IFT52: variants seen among roughly 807,000 people sequenced by gnomAD.
IFT52 encodes the protein intraflagellar transport 52.
IFT52 carries 44 observed loss-of-function variants against 54.4 expected under a neutral mutation model. The ratio of observed to expected loss-of-function variants is 0.81; its 90% confidence interval spans 0.63 to 1.04. IFT52 has a LOEUF of 1.04. Among genes scored for constraint, IFT52 ranks in the 50% least tolerant of loss-of-function variants. The probability of loss-of-function intolerance (pLI) is 0.00; values close to 1 mark genes in which losing one functional copy is unlikely to be tolerated. For missense variants in IFT52, 452 were observed against 523.6 expected, an observed-to-expected ratio of 0.86 and a Z score of 1.33; for synonymous variants, 181 against 185.3, an observed-to-expected ratio of 0.98 and a Z score of 0.19.
rs6017124 is a variant in IFT52, at chr20:43,613,778, C to T, written c.486-72C>T. The T allele has an allele frequency of 1.4e-4, 202 of 1,435,454 alleles. No individual in the cohort carries two copies. The African/African-American group carries it at 2.5e-3, about 18-fold the overall frequency. 88.9% of individuals were successfully genotyped at this position (1,435,454 alleles called of 1,614,324 possible). ...TCAAAAAAGAGTGTTACTCAAGAAACATTGAGATTATTTTCAGAATTTTTG... is the reference window on the plus strand; with the variant it reads ...TCAAAAAAGAGTGTTACTCAAGAAATATTGAGATTATTTTCAGAATTTTTG... On this transcript the variant is annotated intron_variant, in intron 6 of 13. Transcript: ENST00000373030.
chr20:43,613,497 C>A (rs943323850), intron 6 of IFT52, among the ~76,000 whole-genome samples: 2 of 152,172 alleles, frequency 1.3e-5, no homozygotes, highest in Non-Finnish European at 2.9e-5. Flanking sequence ...AAGAGTGTTA[C>A]TCAGCTGAGC....
chr20:43,635,189 A>G (rs866071592), intron 10 of IFT52, among the ~76,000 whole-genome samples: 27 of 8,708 alleles, frequency 3.1e-3, no homozygotes, highest in East Asian at 0.013. Context: ...GAGAGAGAGA[A>G]AAAAAAAAAA....
In IFT52 at chr20:43,620,853, T is replaced by C. The variant is rs1332041686; in HGVS notation, c.700-4T>C. 3.7e-6 allele frequency: 6 copies of C among 1,607,154 alleles called. No individual in the cohort carries two copies. Among genetic ancestry groups the C allele is most frequent in the Non-Finnish European group, 5.1e-6 (6 of 1,175,200 alleles). On this transcript the variant is annotated splice_polypyrimidine_tract_variant and splice_region_variant and intron_variant, in intron 8 of 13. Transcript: ENST00000373030. ...CTAATTATATACTTTTTTTTTTAAT[T>C]TAGGATGTTGTTTTCCAGTGGCTCA...
At chr20:43,604,962 A>G in intron 5 of IFT52, 40 bp from the exon 6 acceptor site, 1 of 1,601,100 alleles carries the variant, frequency 6.2e-7, no homozygotes. Context: ...AAATTCTCAA[A>G]TTTTTTTTGT....
chr20:43,603,795 A>T lies in IFT52; in HGVS notation c.243A>T (p.Gly81=). The T allele has an allele frequency of 6.2e-7, 1 of 1,611,522 alleles. No individual in the cohort carries two copies. The highest frequency in any genetic ancestry group is 8.5e-7 in the Non-Finnish European group (1 of 1,178,524). ...EILKKYLDTG[G]DVFVMLGEGG... is the part of the protein sequence containing the mutation. ...TGAAGAAATATCTTGACACTGGTGG[A>T]GATGTCTTTGTGATGCTAGGAGAAG... The change falls in exon 4 of 14, where the codon GGA becomes GGT. Residue 81 remains glycine, a synonymous_variant. Transcript: ENST00000373030.
chr20:43,591,678 A>C (rs1206716664), intron 1 of IFT52, among the ~76,000 whole-genome samples: 1 of 152,210 alleles, frequency 6.6e-6, no homozygotes, highest in Non-Finnish European at 1.5e-5. Flanking sequence ...TTCTAAAATT[A>C]ATGCTAATAA....
chr20:43,636,001 C>G lies in IFT52; in HGVS notation c.999C>G (p.Thr333=), dbSNP rs754918880. 8.1e-6 allele frequency: 13 copies of G among 1,614,054 alleles called. No individual in the cohort carries two copies. Among genetic ancestry groups the G allele is most frequent in the Admixed American group, 1.7e-5 (1 of 59,992 alleles). The change falls in exon 11 of 14, where the codon ACC becomes ACG. Residue 333 remains threonine, a synonymous_variant. Transcript: ENST00000373030. ...CTCAGTTTGAGACGCCGCTGCCAAC[C>G]CTTCAGCCTGCGGTGAGTAGGTGTG... The part of the protein sequence containing the change: ...IQPQFETPLP[T]LQPAVFPPSF...
At chr20:43,602,875 T>C (rs186366776) in intron 3 of IFT52, among the ~76,000 whole-genome samples, 2 of 152,242 alleles carry the variant, frequency 1.3e-5, no homozygotes, top group Admixed American at 1.3e-4. Context: ...GTCTGGGCAG[T>C]AGTTTCCAAA....
chr20:43,603,628 T>A (rs1223795321), intron 3 of IFT52, 132 bp from the exon 4 acceptor site: 3 of 767,472 alleles, frequency 3.9e-6, no homozygotes, highest in Non-Finnish European at 6.2e-6. Flanking sequence ...ACTTTTTATC[T>A]TATATACATT....
intron 10 of IFT52, among the ~76,000 whole-genome samples, chr20:43,632,043 A>G (rs1158802483): frequency 6.6e-6 from 1 of 150,830 alleles, no homozygotes; most frequent in African/African-American, 2.4e-5. Flanking sequence ...CTCCTGCCTC[A>G]GCCTCCCGAG....
intron 10 of IFT52, among the ~76,000 whole-genome samples, chr20:43,633,415 A>C (rs1311396863): frequency 6.6e-6 from 1 of 152,056 alleles, no homozygotes; most frequent in East Asian, 1.9e-4. Flanking sequence ...ACTATGATTA[A>C]GACAGAATTT....
Position 43,603,899 on chromosome 20 carries a change from AT to A in IFT52, c.337+12del. On this transcript the variant is annotated intron_variant, in intron 4 of 13. Transcript: ENST00000373030. ...ATCATGGTTAATAATGGTAATTAGT[AT>A]TATTATTTTCAGTAGAGGCAGTACT... 7.1e-7 allele frequency: 1 copy of A among 1,417,298 alleles called. No individual in the cohort carries two copies. The highest frequency in any genetic ancestry group is 9.9e-7 in the Non-Finnish European group (1 of 1,010,160). 87.8% of individuals were successfully genotyped at this position (1,417,298 alleles called of 1,614,324 possible). A position where few individuals can be genotyped will look rare whatever the true frequency, so the allele number is the denominator to read the frequency against.
intron 12 of IFT52, among the ~76,000 whole-genome samples, chr20:43,637,686 A>G (rs1025541924): frequency 6.6e-6 from 1 of 152,200 alleles, no homozygotes; most frequent in Non-Finnish European, 1.5e-5. Context: ...GAATAGGAGT[A>G]TAAACTTACC....
Position 43,613,850 on chromosome 20 carries a change from G to A in IFT52, c.486G>A (p.Gln162=). The part of the protein sequence containing the change: ...IDEESSGNNA[Q]ALTFVYPFGA... ...AATGTGTTTCTTTAATTTCTTACAG[G>A]GCTCTCACCTTTGTGTATCCTTTTG... The change falls in exon 7 of 14, where the codon CAG becomes CAA. Residue 162 remains glutamine, a splice_region_variant and synonymous_variant. Coordinates refer to ENST00000373030, the MANE Select transcript of IFT52 (RefSeq NM_016004.5). 3 of 1,610,768 alleles carry A rather than the reference G, an allele frequency of 1.9e-6. No homozygotes were observed. The highest frequency in any genetic ancestry group is 2.2e-5 in the South Asian group (2 of 90,496).
Position 43,635,990 on chromosome 20 carries a change from C to T in IFT52, c.988C>T (p.Pro330Ser). The T allele has an allele frequency of 6.2e-7, 1 of 1,614,180 alleles. No individual in the cohort carries two copies. The highest frequency in any genetic ancestry group is 8.5e-7 in the Non-Finnish European group (1 of 1,180,024). ...LQLIQPQFET[P>S]LPTLQPAVFP... ...GCTCATCCAGCCTCAGTTTGAGACGCCGCTGCCAACCCTTCAGCCTGCGGT... is the reference window on the plus strand; with the variant it reads ...GCTCATCCAGCCTCAGTTTGAGACGTCGCTGCCAACCCTTCAGCCTGCGGT... Residue 330 changes from proline (P) to serine (S), a missense_variant, in exon 11 of 14, where the codon CCG (proline) becomes TCG (serine). Pro to Ser is a moderately conservative substitution (Grantham distance 74). Transcript: ENST00000373030.
chr20:43,596,407 A>G (rs1263695375), intron 2 of IFT52, 28 bp from the exon 3 acceptor site: 2 of 1,418,068 alleles, frequency 1.4e-6, no homozygotes, highest in Non-Finnish European at 2.0e-6. Flanking sequence ...TATGGACTTC[A>G]TATTTGCTTT....
intron 10 of IFT52, among the ~76,000 whole-genome samples, chr20:43,631,924 CTTTT>C (rs561193928): frequency 7.3e-5 from 10 of 137,676 alleles, no homozygotes; most frequent in African/African-American, 2.4e-4. Context: ...TCTGATTTGT[CTTTT>C]TTTTTTTTTT....
intron 9 of IFT52, among the ~76,000 whole-genome samples, chr20:43,621,492 C>T (rs555838327): frequency 1.3e-5 from 2 of 152,122 alleles, no homozygotes; most frequent in African/African-American, 2.4e-5. Flanking sequence ...GATGGAGTCT[C>T]GCTCTGTCGC....
intron 3 of IFT52, among the ~76,000 whole-genome samples, chr20:43,602,054 A>G (rs577084191): frequency 6.6e-6 from 1 of 152,336 alleles, no homozygotes; most frequent in African/African-American, 2.4e-5. Flanking sequence ...ATAATGATCA[A>G]TGTTCTAAGT....
Sources: allele counts gnomAD v4.1 joint callset (sites outside exome capture counted in the v4.1 genomes callset), GRCh38; gene constraint gnomAD v4.1.1; transcripts MANE v1.5; gene names NCBI Gene and HGNC (gene_info 2026-07-23, HGNC 2026-07-21).